Variants in GPRIN3 observed in about 807,000 individuals in gnomAD.
The protein encoded by GPRIN3 is G protein-regulated inducer of neurite outgrowth 3.
GPRIN3 carries 12 observed loss-of-function variants against 13.7 expected under a neutral mutation model. The observed-to-expected ratio is 0.87, with a 90% CI of 0.56 to 1.42. The LOEUF (loss-of-function observed/expected upper bound fraction) is 1.42. Among genes scored for constraint, GPRIN3 ranks in the 40% most tolerant of loss-of-function variants. The pLI is 0.00. For missense variants in GPRIN3, 1,009 were observed against 958.7 expected (o/e 1.05, Z -0.69); for synonymous variants, 377 against 372.7 (o/e 1.01, Z -0.13).
chr4:89,306,953 G>T (rs986651304), intron 1 of GPRIN3, among the ~76,000 whole-genome samples: 1 of 152,020 alleles, frequency 6.6e-6, no homozygotes, highest in Non-Finnish European at 1.5e-5. Context: ...AAGATCTTCT[G>T]TGTGTGTTGG....
At chr4:89,307,192 A>T (rs189931506) in intron 1 of GPRIN3, among the ~76,000 whole-genome samples, 12 of 152,060 alleles carry the variant, frequency 7.9e-5, no homozygotes, top group Admixed American at 5.9e-4. Flanking sequence ...ATACACACAC[A>T]TACATACATC....
At chr4:89,295,261 C>A (rs1184450396) in intron 1 of GPRIN3, among the ~76,000 whole-genome samples, 1 of 152,140 alleles carries the variant, frequency 6.6e-6, no homozygotes, top group Non-Finnish European at 1.5e-5. Context: ...GTAACGTGAG[C>A]CTTGATAATG....
At chr4:89,258,717 G>C (rs941530809) in intron 1 of GPRIN3, among the ~76,000 whole-genome samples, 2 of 152,208 alleles carry the variant, frequency 1.3e-5, no homozygotes, top group African/African-American at 2.4e-5. Context: ...AGAGAAAGGG[G>C]CGTGAGAGTC....
At chr4:89,253,949 AG>A (rs1470396522) in intron 1 of GPRIN3, among the ~76,000 whole-genome samples, 1 of 152,182 alleles carries the variant, frequency 6.6e-6, no homozygotes, top group Non-Finnish European at 1.5e-5. Context: ...CCAGTGGGTC[AG>A]GCAAATCGAA....
At chr4:89,273,698 G>GACAA (rs1049327322) in intron 1 of GPRIN3, among the ~76,000 whole-genome samples, 25 of 152,154 alleles carry the variant, frequency 1.6e-4, no homozygotes, top group Admixed American at 4.6e-4. Flanking sequence ...AAAACAAACA[G>GACAA]ACAAACAAAC....
intron 1 of GPRIN3, 107 bp from the exon 2 acceptor site, chr4:89,250,340 T>C: frequency 3.5e-6 from 2 of 564,180 alleles, no homozygotes; most frequent in Non-Finnish European, 5.4e-6. Flanking sequence ...TTTCTTCCCA[T>C]ACCTGTTGAT....
chr4:89,303,657 G>A (rs573753053), intron 1 of GPRIN3, among the ~76,000 whole-genome samples: 1 of 151,792 alleles, frequency 6.6e-6, no homozygotes, highest in East Asian at 1.9e-4. Flanking sequence ...CCAGGTCAAA[G>A]GATACAAAGT....
rs748792632 is a variant in GPRIN3 at position 89,250,085 on chromosome 4, C to T, written c.26G>A (p.Arg9Lys). Reference protein sequence around the residue: MGTVPDPLRSAKTSLIAAS... With the variant: MGTVPDPLKSAKTSLIAAS... ...TGCAATCAGGGAAGTTTTAGCTGAT[C>T]TCAGAGGGTCAGGTACAGTCCCCAT... The change falls in exon 2 of 2, where the codon AGA becomes AAA. Residue 9 changes from arginine (R) to lysine (K), a missense_variant. Transcript: ENST00000609438. 1 of 1,613,712 alleles carries T rather than the reference C, an allele frequency of 6.2e-7. No individual in the cohort carries two copies. The highest frequency in any genetic ancestry group is 2.2e-5 in the East Asian group (1 of 44,876).
chr4:89,296,597 T>C (rs1020700198), intron 1 of GPRIN3, among the ~76,000 whole-genome samples: 4 of 152,214 alleles, frequency 2.6e-5, no homozygotes, highest in African/African-American at 7.2e-5. Context: ...AAATAGTTTC[T>C]AGGTCCAAAG....
chr4:89,306,525 A>G (rs1414510517), intron 1 of GPRIN3, among the ~76,000 whole-genome samples: 4 of 152,216 alleles, frequency 2.6e-5, no homozygotes, highest in Non-Finnish European at 5.9e-5. Context: ...AAATAAAAAC[A>G]TAGTCCAATG....
At chr4:89,280,922 C>T (rs1052512805) in intron 1 of GPRIN3, among the ~76,000 whole-genome samples, 1 of 152,106 alleles carries the variant, frequency 6.6e-6, no homozygotes, top group Non-Finnish European at 1.5e-5. Context: ...AAAGGAATAG[C>T]TGAGACTGGG....
chr4:89,295,371 CT>C lies in GPRIN3; in HGVS notation c.-124+12243del, dbSNP rs1164444465. ...GAAGTCCAGGCCTTTCATTCAAGGG[CT>C]TTAACTTCAATGTGAAACACAGACA... is the stretch of plus-strand genomic sequence containing the variant. On this transcript the variant is annotated intron_variant, in intron 1 of 1. Coordinates refer to ENST00000609438, the MANE Select transcript of GPRIN3 (RefSeq NM_198281.3). Among the ~76,000 whole-genome samples the C allele has an allele frequency of 5.9e-5, 9 of 152,256 alleles. 1 individual carries two copies. The highest frequency in any genetic ancestry group is 1.9e-4 in the African/African-American group (8 of 41,536).
rs1722835847 is a variant in GPRIN3, at chr4:89,238,225, T to C, written c.*9555A>G. 6.6e-6 allele frequency: 1 copy of C among 152,098 alleles called. No individual in the cohort carries two copies. The highest frequency in any genetic ancestry group is 2.4e-5 in the African/African-American group (1 of 41,412). 9.4% of individuals were successfully genotyped at this position (152,098 alleles called of 1,614,324 possible). ...ATTCACTAAATCATTGTTTTGAGAT[T>C]TGGGTTTCATATATCTTGTACCTCT... On this transcript the variant is annotated 3_prime_UTR_variant, in exon 2 of 2. Coordinates refer to ENST00000609438, the MANE Select transcript of GPRIN3 (RefSeq NM_198281.3).
At chr4:89,285,280 T>A (rs1418329992) in intron 1 of GPRIN3, among the ~76,000 whole-genome samples, 1 of 151,866 alleles carries the variant, frequency 6.6e-6, no homozygotes, top group African/African-American at 2.4e-5. Flanking sequence ...CAAACCAACA[T>A]GGCACATGTA....
intron 1 of GPRIN3, 135 bp from the exon 2 acceptor site, chr4:89,250,368 G>T: frequency 2.5e-6 from 1 of 400,808 alleles, no homozygotes; most frequent in South Asian, 1.3e-4. Context: ...TAGACCTTGT[G>T]GGGAGGGAGA....
intron 1 of GPRIN3, among the ~76,000 whole-genome samples, chr4:89,270,725 G>C (rs1222316941): frequency 6.6e-6 from 1 of 151,272 alleles, no homozygotes; most frequent in Non-Finnish European, 1.5e-5. Context: ...TATTTGAAGA[G>C]AGGAGGTTTC....
At chr4:89,291,954 C>G (rs1017125240) in intron 1 of GPRIN3, among the ~76,000 whole-genome samples, 13 of 151,674 alleles carry the variant, frequency 8.6e-5, no homozygotes, top group African/African-American at 3.2e-4. Context: ...GTTTTTCCTC[C>G]TTTCCCTTCA....
At chr4:89,254,128 G>GGGGTGTGTGT (rs150483417) in intron 1 of GPRIN3, among the ~76,000 whole-genome samples, 2 of 147,646 alleles carry the variant, frequency 1.4e-5, no homozygotes, top group African/African-American at 2.5e-5. Flanking sequence ...GTTGCATCTG[G>GGGGTGTGTGT]GTGTGTGTGT....
chr4:89,267,718 T>C (rs1723819148), intron 1 of GPRIN3, among the ~76,000 whole-genome samples: 1 of 152,248 alleles, frequency 6.6e-6, no homozygotes, highest in Non-Finnish European at 1.5e-5. Flanking sequence ...TCTTCTTTTG[T>C]TATTAATGTC....
Sources: gnomAD v4.1 joint callset for allele counts (sites outside exome capture counted in the v4.1 genomes callset) on GRCh38, gnomAD v4.1.1 for gene constraint, MANE v1.5 for transcripts, NCBI Gene and HGNC (gene_info 2026-07-23, HGNC 2026-07-21) for gene names.